DLG2: variants seen among roughly 807,000 people sequenced by gnomAD.
The protein encoded by DLG2 is disks large homolog 2.
A neutral mutation model predicts 132.5 loss-of-function variants in DLG2; 45 were observed. That is an observed-to-expected ratio of 0.34 (90% CI 0.27 to 0.44). The LOEUF is 0.44. DLG2 is among the 20% of genes least tolerant of loss of function. DLG2 has a pLI of 1.00. For synonymous variants in DLG2, 424 were observed against 419.6 expected (o/e 1.01, Z -0.13); for missense variants, 1,045 against 1,196.9 (o/e 0.87, Z 1.87).
In DLG2 at chr11:83,957,879, G is replaced by A. The variant is rs547457376; in HGVS notation, c.1340+5006C>T. On this transcript the variant is annotated intron_variant, in intron 14 of 27. Transcript: ENST00000376104. ...CTTTCTACTTTTTATTCAGGTCTCA[G>A]TCCATATGCTATCTCCTGAGAGAGG... Among the ~76,000 whole-genome samples the A allele has an allele frequency of 1.2e-4, 18 of 152,196 alleles. 2 individuals carry two copies. In the South Asian group the frequency reaches 3.7e-3, roughly 32 times the overall value.
At chr11:84,925,742 C>T (rs988205682) in intron 6 of DLG2, among the ~76,000 whole-genome samples, 1 of 152,082 alleles carries the variant, frequency 6.6e-6, no homozygotes, top group Middle Eastern at 3.2e-3. Context: ...AAATCACTTC[C>T]ATGCCAGATT....
intron 23 of DLG2, among the ~76,000 whole-genome samples, 177 bp from the exon 24 acceptor site, chr11:83,471,904 A>T (rs2092081950): frequency 6.6e-6 from 1 of 152,150 alleles, no homozygotes; most frequent in South Asian, 2.1e-4. Context: ...CACTCAGGAG[A>T]TTGGCAGTGC....
intron 6 of DLG2, chr11:84,640,078 GC>G: frequency 3.2e-6 from 1 of 312,616 alleles, no homozygotes; most frequent in Non-Finnish European, 6.0e-6. Context: ...ATTGTGAAGG[GC>G]CCCAGAGGAA....
intron 3 of DLG2, among the ~76,000 whole-genome samples, chr11:85,375,857 C>T (rs1206754865): frequency 6.6e-6 from 1 of 152,144 alleles, no homozygotes; most frequent in East Asian, 1.9e-4. Flanking sequence ...ACTTAATAAA[C>T]ACTTTAATTG....
At chr11:85,025,389 T>C (rs139453311) in intron 6 of DLG2, among the ~76,000 whole-genome samples, 1 of 152,330 alleles carries the variant, frequency 6.6e-6, no homozygotes, top group East Asian at 1.9e-4. Flanking sequence ...CTCGATGAAA[T>C]GTTAGACACT....
intron 22 of DLG2, among the ~76,000 whole-genome samples, chr11:83,483,716 T>G (rs1565414913): frequency 1.3e-5 from 2 of 151,756 alleles, no homozygotes; most frequent in South Asian, 2.1e-4. Flanking sequence ...TGAGCAAATG[T>G]GCTAGTTTAT....
chr11:83,515,271 C>G (rs1194128883), intron 21 of DLG2, among the ~76,000 whole-genome samples: 2 of 152,012 alleles, frequency 1.3e-5, no homozygotes, highest in Admixed American at 6.6e-5. Context: ...TGTATGTGTC[C>G]AGGAATTTAT....
intron 11 of DLG2, among the ~76,000 whole-genome samples, chr11:84,028,093 G>A (rs2095590613): frequency 6.7e-6 from 1 of 150,274 alleles, no homozygotes; most frequent in Non-Finnish European, 1.5e-5. Context: ...GTATTCTAGA[G>A]AGAGCAAACC....
chr11:83,933,542 C>A (rs1000274369), intron 14 of DLG2, among the ~76,000 whole-genome samples: 1 of 152,178 alleles, frequency 6.6e-6, no homozygotes, highest in Non-Finnish European at 1.5e-5. Flanking sequence ...CACACCCTGG[C>A]CCTTGGTGAT....
At chr11:83,518,099 G>C (rs2095357121) in intron 21 of DLG2, among the ~76,000 whole-genome samples, 1 of 152,200 alleles carries the variant, frequency 6.6e-6, no homozygotes, top group Admixed American at 6.5e-5. Flanking sequence ...CTTTTGTTTG[G>C]CTATGCCCTG....
chr11:83,959,899 C>G (rs991507193), intron 14 of DLG2, among the ~76,000 whole-genome samples: 1 of 151,986 alleles, frequency 6.6e-6, no homozygotes, highest in African/African-American at 2.4e-5. Flanking sequence ...ATATATATTA[C>G]AGCACTTATT....
chr11:84,499,805 TA>T (rs1370106009), intron 7 of DLG2, among the ~76,000 whole-genome samples: 3 of 152,168 alleles, frequency 2.0e-5, no homozygotes, highest in Non-Finnish European at 2.9e-5. Context: ...ACACATAGAT[TA>T]AGCACTTAAT....
At chr11:83,995,775 A>T (rs967401333) in intron 11 of DLG2, among the ~76,000 whole-genome samples, 18 of 152,202 alleles carry the variant, frequency 1.2e-4, no homozygotes, top group Admixed American at 2.0e-4. Context: ...ATCCATAGGC[A>T]GAAGAATGAA....
chr11:85,116,085 A>C (rs570111660), intron 5 of DLG2, among the ~76,000 whole-genome samples: 1 of 152,128 alleles, frequency 6.6e-6, no homozygotes, highest in Admixed American at 6.6e-5. Flanking sequence ...AGAGGTCAAA[A>C]CGTGATGCCC....
intron 7 of DLG2, among the ~76,000 whole-genome samples, chr11:84,293,594 A>C (rs935970130): frequency 6.6e-6 from 1 of 152,190 alleles, no homozygotes; most frequent in Non-Finnish European, 1.5e-5. Context: ...GAATTGCTGG[A>C]ACCTGGGATG....
chr11:84,781,426 A>G (rs978454992), intron 6 of DLG2, among the ~76,000 whole-genome samples: 8 of 152,114 alleles, frequency 5.3e-5, no homozygotes, highest in African/African-American at 1.9e-4. Context: ...AGTTGATTTC[A>G]TTCATTAATC....
chr11:85,346,596 T>TG (rs2082867426), intron 3 of DLG2, among the ~76,000 whole-genome samples: 1 of 152,146 alleles, frequency 6.6e-6, no homozygotes. Context: ...CTCCCAAGTC[T>TG]GGGTCTGTTT....
intron 17 of DLG2, among the ~76,000 whole-genome samples, chr11:83,829,824 G>T (rs998125055): frequency 6.6e-6 from 1 of 151,898 alleles, no homozygotes; most frequent in African/African-American, 2.4e-5. Context: ...GTACACATGT[G>T]CCATGTTGGT....
At chr11:84,169,657 G>T (rs1423522514) in intron 8 of DLG2, among the ~76,000 whole-genome samples, 1 of 151,482 alleles carries the variant, frequency 6.6e-6, no homozygotes, top group Non-Finnish European at 1.5e-5. Context: ...TGGATCACTC[G>T]AAGTCAGGAG....
Sources: allele counts gnomAD v4.1 joint callset (sites outside exome capture counted in the v4.1 genomes callset), GRCh38; gene constraint gnomAD v4.1.1; transcripts MANE v1.5; gene names NCBI Gene and HGNC (gene_info 2026-07-23, HGNC 2026-07-21).